The following EDEM3 variants were observed in gnomAD, a reference collection of about 807,000 sequenced individuals.
EDEM3 encodes the protein ER degradation-enhancing alpha-mannosidase-like protein 3.
A neutral mutation model predicts 110.2 loss-of-function variants in EDEM3; 60 were observed. That is an observed-to-expected ratio of 0.54 (90% CI 0.44 to 0.67). The LOEUF (loss-of-function observed/expected upper bound fraction) is 0.67, where lower values mean the gene tolerates loss of function less well. Among genes scored for constraint, EDEM3 ranks in the 30% least tolerant of loss-of-function variants. The pLI is 0.00. For synonymous variants in EDEM3, 352 were observed against 382.9 expected, an observed-to-expected ratio of 0.92 and a Z score of 0.94; for missense variants, 996 against 1,121.0, an observed-to-expected ratio of 0.89 and a Z score of 1.59.
Position 184,702,822 on chromosome 1 carries a change from G to A in EDEM3, c.2378C>T (p.Ala793Val). 1 of 1,594,970 alleles carries A rather than the reference G, an allele frequency of 6.3e-7. No individual in the cohort carries two copies. Among genetic ancestry groups the A allele is most frequent in the Non-Finnish European group, 8.5e-7 (1 of 1,172,432 alleles). The part of the protein sequence containing the change: ...EEVEVLLSDK[A>V]KDRDPEMENE... ...TATTTTACTCTTACCTCGATCTTTTGCTTTATCAGAGAGGAGCACTTCTAC... is the reference window on the plus strand; with the variant it reads ...TATTTTACTCTTACCTCGATCTTTTACTTTATCAGAGAGGAGCACTTCTAC... Residue 793 changes from alanine to valine, a missense_variant, in exon 19 of 20, where the codon GCA (alanine) becomes GTA (valine). Transcript: ENST00000318130.
intron 9 of EDEM3, among the ~76,000 whole-genome samples, chr1:184,720,217 CTA>C (rs1452393781): frequency 2.0e-5 from 3 of 152,108 alleles, no homozygotes; most frequent in Non-Finnish European, 4.4e-5. Flanking sequence ...AATAAACAAT[CTA>C]TGTGATAATT....
At position 184,711,778 on chromosome 1, in the gene EDEM3, G is replaced by A. The variant is rs773019419; in HGVS notation, c.1636C>T (p.Arg546Cys). 3.7e-6 allele frequency: 6 copies of A among 1,613,204 alleles called. No individual in the cohort carries two copies. Among genetic ancestry groups the A allele is most frequent in the South Asian group, 1.1e-5 (1 of 90,988 alleles). The part of the protein sequence containing the change: ...PNDPLYAQSI[R>C]EPLKNVVDKS... ...TCCACCACATTTTTCAAGGGCTCAC[G>A]AATACTTTGAGCATACAATGGGTCA... is the stretch of plus-strand genomic sequence containing the variant. The change falls in exon 15 of 20, where the codon CGT becomes TGT. Residue 546 changes from arginine (R) to cysteine (C), a missense_variant. Around this residue, in one of 5 missense-constraint regions of EDEM3, gnomAD observed 138 missense variants for 124.3 expected, o/e 1.11. Transcript: ENST00000318130.
rs1649048434 is a variant in EDEM3 at position 184,691,214 on chromosome 1, A to G, written c.*2849T>C. 1 of 152,596 alleles carries G rather than the reference A, an allele frequency of 6.6e-6. No individual in the cohort carries two copies. Among genetic ancestry groups the G allele is most frequent in the African/African-American group, 2.4e-5 (1 of 41,458 alleles). 9.5% of individuals were successfully genotyped at this position (152,596 alleles called of 1,614,324 possible). The stretch of plus-strand genomic sequence containing the variant: ...CCTAACAAAATATCCCATACCAAAC[A>G]TATCTAGTAAATTACAATTCTTTCA... On this transcript the variant is annotated 3_prime_UTR_variant, in exon 20 of 20. Transcript: ENST00000318130.
intron 2 of EDEM3, among the ~76,000 whole-genome samples, chr1:184,739,584 T>G (rs1035215525): frequency 5.9e-5 from 9 of 152,030 alleles, no homozygotes; most frequent in African/African-American, 2.2e-4. Flanking sequence ...AATTCAGATC[T>G]TCTTTTATGA....
In EDEM3 at chr1:184,732,900, T is replaced by A. The variant is rs776348612; in HGVS notation, c.549A>T (p.Ala183=). The A allele has an allele frequency of 2.1e-5, 34 of 1,614,022 alleles. No individual in the cohort carries two copies. The highest frequency in any genetic ancestry group is 2.6e-5 in the Non-Finnish European group (31 of 1,180,002). The change falls in exon 6 of 20, where the codon GCA becomes GCT. Residue 183 remains alanine (A), a synonymous_variant. Coordinates refer to ENST00000318130, the MANE Select transcript of EDEM3 (RefSeq NM_025191.4). ...QWYNDELLQM[A]KQLGYKLLPA... Reference sequence around the variant, plus strand: ...GTAAAAGTTTGTAACCTAACTGCTTTGCCATTTGGAGAAGTTCATCATTGT... The same window carrying A: ...GTAAAAGTTTGTAACCTAACTGCTTAGCCATTTGGAGAAGTTCATCATTGT...
intron 2 of EDEM3, among the ~76,000 whole-genome samples, chr1:184,737,941 T>A (rs1227565500): frequency 6.6e-6 from 1 of 152,010 alleles, no homozygotes; most frequent in Non-Finnish European, 1.5e-5. Flanking sequence ...CTGCTTCCCC[T>A]CCCCTCCCCA....
At chr1:184,709,210 A>G (rs1393918893) in intron 16 of EDEM3, among the ~76,000 whole-genome samples, 2 of 152,194 alleles carry the variant, frequency 1.3e-5, no homozygotes, top group African/African-American at 2.4e-5. Flanking sequence ...AGAGTAAACA[A>G]GAAAGAGATA....
intron 2 of EDEM3, among the ~76,000 whole-genome samples, chr1:184,739,503 T>C (rs1302174168): frequency 6.6e-6 from 1 of 151,910 alleles, no homozygotes; most frequent in Non-Finnish European, 1.5e-5. Context: ...TTGGAAGAAC[T>C]GAATTTGGGG....
Position 184,754,401 on chromosome 1 carries a change from G to A in EDEM3, c.158+88C>T, listed in dbSNP as rs561541827. On this transcript the variant is annotated intron_variant, in intron 1 of 19. Transcript: ENST00000318130. ...AGCCGTTCCAATCGCGACAGGAGAG[G>A]CCACTACGCGACCGGGTCGCAATGA... The A allele has an allele frequency of 1.2e-3, 1,906 of 1,577,262 alleles. 11 individuals carry two copies. In the Middle Eastern group the frequency reaches 0.019, roughly 16 times the overall value.
At chr1:184,721,905 CA>C (rs1650924630) in intron 8 of EDEM3, among the ~76,000 whole-genome samples, 1 of 151,598 alleles carries the variant, frequency 6.6e-6, no homozygotes, top group South Asian at 2.1e-4. Flanking sequence ...CAACTCTAGA[CA>C]AAAATGAAGA....
intron 4 of EDEM3, 124 bp downstream of exon 4, chr1:184,736,901 G>C (rs1651857296): frequency 1.3e-6 from 1 of 746,320 alleles, no homozygotes; most frequent in African/African-American, 1.8e-5. Flanking sequence ...TTATTTAGAA[G>C]CAAAGATCAG....
intron 9 of EDEM3, 25 bp from the exon 10 acceptor site, chr1:184,719,593 T>C (rs765403265): frequency 5.6e-6 from 9 of 1,610,546 alleles, no homozygotes; most frequent in South Asian, 5.5e-5. Flanking sequence ...CATGTGTTCA[T>C]GAAAGTTAGA....
chr1:184,744,247 CAAATATATATATAT>C (rs1652294365), intron 2 of EDEM3, among the ~76,000 whole-genome samples: 1 of 63,278 alleles, frequency 1.6e-5, no homozygotes, highest in Non-Finnish European at 3.0e-5. Context: ...GAACAAATGA[CAAATATATATATAT>C]ATATATATAT....
chr1:184,712,344 T>A, intron 14 of EDEM3, 89 bp downstream of exon 14: 1 of 1,199,472 alleles, frequency 8.3e-7, no homozygotes, highest in Non-Finnish European at 1.2e-6. Context: ...ATATATTTAT[T>A]GAATTCTACT....
intron 9 of EDEM3, among the ~76,000 whole-genome samples, chr1:184,720,029 C>T (rs562520514): frequency 6.6e-6 from 1 of 152,330 alleles, no homozygotes; most frequent in Admixed American, 6.5e-5. Context: ...CTAATCACTG[C>T]TGCCACTCTT....
chr1:184,695,422 G>A (rs921449296), intron 19 of EDEM3, among the ~76,000 whole-genome samples: 1 of 152,024 alleles, frequency 6.6e-6, no homozygotes, highest in Non-Finnish European at 1.5e-5. Flanking sequence ...TTATGAAAGA[G>A]AGATAAGGAT....
rs369264852 is a variant in EDEM3, at chr1:184,737,750, G to A, written c.205-39C>T. On this transcript the variant is annotated intron_variant, in intron 2 of 19. Transcript: ENST00000318130. ...TTTAGTAAGTTACTAAGGAAAATAA[G>A]CGAAAGCACACATCATTTTGAGAAC... is the stretch of plus-strand genomic sequence containing the variant. 8 of 1,542,564 alleles carry A rather than the reference G, an allele frequency of 5.2e-6. No individual in the cohort carries two copies. In the African/African-American group the frequency reaches 1.1e-4, roughly 21 times the overall value.
At chr1:184,705,577 C>G (rs962277571) in intron 18 of EDEM3, among the ~76,000 whole-genome samples, 2 of 152,172 alleles carry the variant, frequency 1.3e-5, no homozygotes, top group Non-Finnish European at 2.9e-5. Flanking sequence ...AGTCATTAAA[C>G]AGGACTTCTC....
At chr1:184,726,074 A>G (rs1004641433) in intron 7 of EDEM3, among the ~76,000 whole-genome samples, 181 bp downstream of exon 7, 1 of 152,226 alleles carries the variant, frequency 6.6e-6, no homozygotes, top group Admixed American at 6.5e-5. Flanking sequence ...TGGATTTAAC[A>G]TAGCTCTCTC....
Sources: allele counts gnomAD v4.1 joint callset (sites outside exome capture counted in the v4.1 genomes callset), GRCh38; gene constraint gnomAD v4.1.1; regional missense constraint gnomAD v4.1.1; transcripts MANE v1.5; gene names NCBI Gene and HGNC (gene_info 2026-07-23, HGNC 2026-07-21).